Variants in EPHA3 observed in about 807,000 individuals in gnomAD.
The protein encoded by EPHA3 is EPH receptor A3, also known as ephrin type-A receptor 3.
Under a neutral mutation model 107.1 loss-of-function variants are expected in EPHA3, and 42 were observed. That is an observed-to-expected ratio of 0.39 (90% CI 0.31 to 0.51). The LOEUF is 0.51. Among genes scored for constraint, EPHA3 ranks in the 20% least tolerant of loss-of-function variants. EPHA3 has a pLI of 0.78. For synonymous variants in EPHA3, 461 were observed against 424.8 expected (o/e 1.09, Z -1.05); for missense variants, 1,183 against 1,211.2 (o/e 0.98, Z 0.35).
chr3:89,226,570 G>A (rs1704508710), intron 3 of EPHA3, among the ~76,000 whole-genome samples: 1 of 152,030 alleles, frequency 6.6e-6, no homozygotes, highest in African/African-American at 2.4e-5. Flanking sequence ...TAATTTAAGA[G>A]CTCTTCAATT....
intron 3 of EPHA3, among the ~76,000 whole-genome samples, chr3:89,331,254 A>G (rs1312101901): frequency 6.6e-6 from 1 of 152,160 alleles, no homozygotes; most frequent in East Asian, 1.9e-4. Flanking sequence ...ACTTCTAAGA[A>G]CCTTTTCGTT....
chr3:89,435,361 A>G (rs889976059), intron 13 of EPHA3, among the ~76,000 whole-genome samples: 53 of 150,694 alleles, frequency 3.5e-4, no homozygotes, highest in African/African-American at 1.2e-3. Context: ...ACACTTCGAG[A>G]GGCCAAGGCA....
At chr3:89,391,397 CTT>C (rs1329562421) in intron 5 of EPHA3, among the ~76,000 whole-genome samples, 17 of 141,370 alleles carry the variant, frequency 1.2e-4, no homozygotes, top group African/African-American at 4.6e-4. Context: ...CTTTTCTTTT[CTT>C]TTCTTTTCTT....
At chr3:89,292,585 G>T (rs1283664755) in intron 3 of EPHA3, among the ~76,000 whole-genome samples, 1 of 152,064 alleles carries the variant, frequency 6.6e-6, no homozygotes, top group Non-Finnish European at 1.5e-5. Context: ...TCCAAATTTT[G>T]ATTTTCCAAT....
chr3:89,305,990 G>A (rs1427510329), intron 3 of EPHA3, among the ~76,000 whole-genome samples: 1 of 152,140 alleles, frequency 6.6e-6, no homozygotes, highest in African/African-American at 2.4e-5. Context: ...CATAAATGGA[G>A]TCAATAGGTA....
chr3:89,339,329 CCACTG>C (rs1469540361), intron 3 of EPHA3, among the ~76,000 whole-genome samples: 1 of 145,812 alleles, frequency 6.9e-6, no homozygotes, highest in African/African-American at 2.6e-5. Context: ...CGAGATTGTG[CCACTG>C]CACTCAAGCC....
At chr3:89,290,111 G>C (rs1349993352) in intron 3 of EPHA3, among the ~76,000 whole-genome samples, 3 of 152,116 alleles carry the variant, frequency 2.0e-5, no homozygotes, top group Non-Finnish European at 2.9e-5. Context: ...CGGTTCTTCT[G>C]TTGTGGTTCT....
At chr3:89,318,814 C>A (rs1706973141) in intron 3 of EPHA3, among the ~76,000 whole-genome samples, 1 of 151,824 alleles carries the variant, frequency 6.6e-6, no homozygotes, top group South Asian at 2.1e-4. Context: ...CTTATACTGT[C>A]TGTATTTGAA....
chr3:89,119,641 T>C (rs1258104313), intron 1 of EPHA3, among the ~76,000 whole-genome samples: 2 of 152,160 alleles, frequency 1.3e-5, no homozygotes, highest in Non-Finnish European at 2.9e-5. Context: ...ACAATCCAGA[T>C]ATTCTGCAGA....
At chr3:89,125,257 T>C (rs1576166452) in intron 1 of EPHA3, among the ~76,000 whole-genome samples, 1 of 151,840 alleles carries the variant, frequency 6.6e-6, no homozygotes, top group South Asian at 2.1e-4. Flanking sequence ...AATTTATGTA[T>C]ACTGGCAAGC....
intron 5 of EPHA3, among the ~76,000 whole-genome samples, chr3:89,385,753 A>T (rs1210627483): frequency 6.6e-6 from 1 of 152,206 alleles, no homozygotes; most frequent in African/African-American, 2.4e-5. Context: ...TGGAAAACTC[A>T]GAAGAAGACA....
chr3:89,217,520 A>T (rs1704248477), intron 3 of EPHA3, among the ~76,000 whole-genome samples: 1 of 152,194 alleles, frequency 6.6e-6, no homozygotes, highest in South Asian at 2.1e-4. Context: ...TAACGTGGAC[A>T]TCTAATCGCA....
rs9859303 is a variant in EPHA3 at position 89,205,934 on chromosome 3, T to G, written c.154-3926T>G. Among the ~76,000 whole-genome samples, 635 of 152,280 alleles carry G rather than the reference T, an allele frequency of 4.2e-3. 6 individuals are homozygous for G. Among genetic ancestry groups the G allele is most frequent in the African/African-American group, 0.015 (617 of 41,572 alleles). On this transcript the variant is annotated intron_variant, in intron 2 of 16. Transcript: ENST00000336596. ...AGAAAAATGAATGAAACATGGGCAT[T>G]CTTTACATTTACAAAGCATGAGCAT...
chr3:89,183,579 C>T (rs373546865), intron 2 of EPHA3, among the ~76,000 whole-genome samples: 97 of 151,988 alleles, frequency 6.4e-4, no homozygotes, highest in South Asian at 4.8e-3. Context: ...GAAGTACTCC[C>T]TACACACACA....
intron 2 of EPHA3, among the ~76,000 whole-genome samples, chr3:89,163,398 T>C (rs1704992321): frequency 6.6e-6 from 1 of 152,096 alleles, no homozygotes; most frequent in South Asian, 2.1e-4. Flanking sequence ...AAGGGAACAA[T>C]AAGGAAATAA....
At chr3:89,112,541 T>A (rs1707134841) in intron 1 of EPHA3, among the ~76,000 whole-genome samples, 1 of 151,962 alleles carries the variant, frequency 6.6e-6, no homozygotes, top group Non-Finnish European at 1.5e-5. Flanking sequence ...GGAAATAAAA[T>A]ATATGCAATT....
chr3:89,442,434 G>A (rs114162394), intron 13 of EPHA3, among the ~76,000 whole-genome samples: 9 of 152,266 alleles, frequency 5.9e-5, no homozygotes, highest in Admixed American at 2.0e-4. Flanking sequence ...GCAGTAGTTC[G>A]CAAATGGGGA....
rs184195537 is a variant in EPHA3 at position 89,114,843 on chromosome 3, T to C, written c.88+7007T>C. ...GTACTCCTTGCCACCTGGACCCTCC[T>C]TACCTGGGCGTCAGTAAGACGCCAG... is the stretch of plus-strand genomic sequence containing the variant. On this transcript the variant is annotated intron_variant, in intron 1 of 16. Transcript: ENST00000336596. 1.2e-3 allele frequency among the ~76,000 whole-genome samples: 183 copies of C among 152,318 alleles called. 5 individuals are homozygous for C. The highest frequency in any genetic ancestry group is 6.8e-3 in the Middle Eastern group (2 of 292).
chr3:89,192,193 C>T (rs892876831), intron 2 of EPHA3, among the ~76,000 whole-genome samples: 11 of 152,096 alleles, frequency 7.2e-5, no homozygotes, highest in African/African-American at 1.4e-4. Context: ...TTGGCAAACC[C>T]AGTGAAAGAA....
Sources: gnomAD v4.1 joint callset for allele counts (sites outside exome capture counted in the v4.1 genomes callset) on GRCh38, gnomAD v4.1.1 for gene constraint, MANE v1.5 for transcripts, NCBI Gene and HGNC (gene_info 2026-07-23, HGNC 2026-07-21) for gene names.